Variants in FRS2 observed in about 807,000 individuals in gnomAD.
FRS2 encodes fibroblast growth factor receptor substrate 2.
A neutral mutation model predicts 43.9 loss-of-function variants in FRS2; 8 were observed. The ratio of observed to expected loss-of-function variants is 0.18; its 90% confidence interval spans 0.11 to 0.33. The LOEUF is 0.33. Among genes scored for constraint, FRS2 ranks in the 10% least tolerant of loss-of-function variants. The pLI, the probability that FRS2 is intolerant of heterozygous loss-of-function variation, is 1.00. For missense variants in FRS2, 534 were observed against 627.6 expected (o/e 0.85, Z 1.59); for synonymous variants, 219 against 220.3 (o/e 0.99, Z 0.05).
intron 3 of FRS2, among the ~76,000 whole-genome samples, chr12:69,559,585 A>G (rs1879711058): frequency 6.6e-6 from 1 of 152,206 alleles, no homozygotes; most frequent in South Asian, 2.1e-4. Context: ...TCACCTAACA[A>G]GGGAACTGTT....
In FRS2 at chr12:69,556,964, G is replaced by A. The variant is rs369554600; in HGVS notation, c.-121-5216G>A. Among the ~76,000 whole-genome samples, 20 of 152,292 alleles carry A rather than the reference G, an allele frequency of 1.3e-4. No homozygotes were observed. The South Asian group carries it at 3.5e-3, about 27-fold the overall frequency. On this transcript the variant is annotated intron_variant, in intron 3 of 8. Transcript: ENST00000549921. The stretch of plus-strand genomic sequence containing the variant: ...AAAACTTCATTGTCTATAAACATGA[G>A]TGTAATAGAAAAAACTGAATTGATT...
At chr12:69,572,070 C>G in intron 7 of FRS2, 48 bp from the exon 8 acceptor site, 1 of 1,496,280 alleles carries the variant, frequency 6.7e-7, no homozygotes, top group Non-Finnish European at 9.2e-7. Flanking sequence ...CATTTTTATT[C>G]TCTCTGCCCC....
intron 1 of FRS2, among the ~76,000 whole-genome samples, chr12:69,495,524 A>G (rs1249412320): frequency 6.6e-6 from 1 of 152,186 alleles, no homozygotes; most frequent in South Asian, 2.1e-4. Flanking sequence ...TTGATTAACT[A>G]CATGATAAAC....
chr12:69,472,862 G>A (rs972123822), intron 1 of FRS2, among the ~76,000 whole-genome samples: 1 of 152,176 alleles, frequency 6.6e-6, no homozygotes, highest in Non-Finnish European at 1.5e-5. Flanking sequence ...TAACATTGGC[G>A]ATGGGTGTTG....
chr12:69,497,282 T>A (rs1293077831), intron 1 of FRS2, among the ~76,000 whole-genome samples: 1 of 152,262 alleles, frequency 6.6e-6, no homozygotes, highest in African/African-American at 2.4e-5. Context: ...GTGCTCTTAG[T>A]GTCTTAGTAC....
At chr12:69,572,355 A>G in intron 8 of FRS2, 74 bp downstream of exon 8, 2 of 1,138,430 alleles carry the variant, frequency 1.8e-6, no homozygotes, top group South Asian at 2.9e-5. Flanking sequence ...ATACTGGAAG[A>G]TTTTATTCAG....
Position 69,569,029 on chromosome 12 carries a change from C to T in FRS2, c.-2C>T, listed in dbSNP as rs1351650676. 1 of 1,605,234 alleles carries T rather than the reference C, an allele frequency of 6.2e-7. No individual in the cohort carries two copies. Among genetic ancestry groups the T allele is most frequent in the Non-Finnish European group, 8.5e-7 (1 of 1,173,564 alleles). On this transcript the variant is annotated 5_prime_UTR_variant, in exon 5 of 9. Coordinates refer to ENST00000549921, the MANE Select transcript of FRS2 (RefSeq NM_001278356.2). ...GTGCACACATGGTCTTCTGAAGAAG[C>T]CATGGGTAGCTGTTGTAGCTGTCCA...
intron 1 of FRS2, among the ~76,000 whole-genome samples, chr12:69,505,946 C>G (rs1051952673): frequency 6.6e-6 from 1 of 152,130 alleles, no homozygotes; most frequent in Admixed American, 6.5e-5. Context: ...CCCCCGACCA[C>G]CATTTCTTGT....
At position 69,572,270 on chromosome 12, in the gene FRS2, G is replaced by A; in HGVS notation, c.565G>A (p.Ala189Thr). 1.9e-6 allele frequency: 3 copies of A among 1,613,386 alleles called. No homozygotes were observed. Among genetic ancestry groups the A allele is most frequent in the Non-Finnish European group, 2.5e-6 (3 of 1,179,454 alleles). The change falls in exon 8 of 9, where the codon GCT (alanine) becomes ACT (threonine). Residue 189 changes from alanine (A) to threonine (T), a missense_variant. By Grantham distance (58) the Ala-to-Thr change is moderately conservative. Coordinates refer to ENST00000549921, the MANE Select transcript of FRS2 (RefSeq NM_001278356.2). Reference protein sequence around the residue: ...GEESTHPLLVAEEQVHTYVNT... With the variant: ...GEESTHPLLVTEEQVHTYVNT... ...AGAATCTACACATCCTTTGCTTGTG[G>A]CTGAGGAACAAGTAAGCATGTGCTA...
intron 6 of FRS2, 115 bp downstream of exon 6, chr12:69,570,632 A>T: frequency 1.5e-6 from 1 of 651,874 alleles, no homozygotes; most frequent in East Asian, 2.7e-5. Flanking sequence ...AAATAAACAG[A>T]TTGTTAAGGA....
chr12:69,516,196 GATT>G (rs1165108524), intron 1 of FRS2, among the ~76,000 whole-genome samples: 22 of 150,474 alleles, frequency 1.5e-4, no homozygotes, highest in East Asian at 3.9e-4. Flanking sequence ...AAAGTGAGTA[GATT>G]ATTATTATTA....
chr12:69,537,207 T>C (rs1333426188), intron 3 of FRS2, among the ~76,000 whole-genome samples: 6 of 152,194 alleles, frequency 3.9e-5, no homozygotes, highest in Admixed American at 2.6e-4. Context: ...ATATTCTTCT[T>C]ATGCACACAT....
Position 69,578,811 on chromosome 12 carries a change from A to G in FRS2, c.*3856A>G, listed in dbSNP as rs1280320386. On this transcript the variant is annotated 3_prime_UTR_variant, in exon 9 of 9. Coordinates refer to ENST00000549921, the MANE Select transcript of FRS2 (RefSeq NM_001278356.2). ...TATAAAGGTAGCTTATTAGATTTTTAATTTTTTCTTTTATAAAAAATTGTC... is the reference window on the plus strand; with the variant it reads ...TATAAAGGTAGCTTATTAGATTTTTGATTTTTTCTTTTATAAAAAATTGTC... The G allele has an allele frequency of 6.6e-6, 1 of 152,612 alleles. No homozygotes were observed. Among genetic ancestry groups the G allele is most frequent in the Non-Finnish European group, 1.5e-5 (1 of 68,020 alleles). The allele number at this position is 152,612 out of a possible 1,614,324, so 9.5% of individuals were successfully genotyped here.
chr12:69,489,024 A>G (rs1039621763), intron 1 of FRS2, among the ~76,000 whole-genome samples: 9 of 152,174 alleles, frequency 5.9e-5, no homozygotes, highest in African/African-American at 2.2e-4. Context: ...AAGAGTTTCT[A>G]CTGAATTATT....
chr12:69,486,053 A>G (rs1189041129), intron 1 of FRS2: 1 of 152,200 alleles, frequency 6.6e-6, no homozygotes, highest in African/African-American at 2.4e-5. Flanking sequence ...CTTTTTTGGC[A>G]TAATCCACAG....
rs1343516216 is a variant in FRS2 at position 69,573,997 on chromosome 12, T to C, written c.577-8T>C. Reference sequence around the variant, plus strand: ...AAGTTAACTAATTCACTTTCTGTTTTGTTTTAGGTACATACCTATGTCAAC... The same window carrying C: ...AAGTTAACTAATTCACTTTCTGTTTCGTTTTAGGTACATACCTATGTCAAC... On this transcript the variant is annotated splice_region_variant and splice_polypyrimidine_tract_variant and intron_variant, in intron 8 of 8. Transcript: ENST00000549921. 1 of 1,549,616 alleles carries C rather than the reference T, an allele frequency of 6.5e-7. No individual in the cohort carries two copies. The highest frequency in any genetic ancestry group is 8.7e-7 in the Non-Finnish European group (1 of 1,147,618).
intron 3 of FRS2, among the ~76,000 whole-genome samples, chr12:69,535,178 A>G (rs541760442): frequency 6.6e-6 from 1 of 152,292 alleles, no homozygotes; most frequent in East Asian, 1.9e-4. Context: ...TAAGTAGCCA[A>G]TTTGGTAAAA....
chr12:69,540,657 C>T (rs1877822837), intron 3 of FRS2, among the ~76,000 whole-genome samples: 1 of 152,210 alleles, frequency 6.6e-6, no homozygotes, highest in Admixed American at 6.5e-5. Context: ...TGAAACACAA[C>T]TCCCTAATCC....
At chr12:69,568,928 G>T in intron 4 of FRS2, 77 bp from the exon 5 acceptor site, 1 of 649,466 alleles carries the variant, frequency 1.5e-6, no homozygotes, top group African/African-American at 1.9e-5. Flanking sequence ...TGTGTTAGAT[G>T]ATTTCTAAAG....
Sources: allele counts gnomAD v4.1 joint callset (sites outside exome capture counted in the v4.1 genomes callset), GRCh38; gene constraint gnomAD v4.1.1; transcripts MANE v1.5; gene names NCBI Gene and HGNC (gene_info 2026-07-23, HGNC 2026-07-21).